RERE: variants seen among roughly 807,000 people sequenced by gnomAD.
RERE encodes arginine-glutamic acid dipeptide repeats protein.
Under a neutral mutation model 146.1 loss-of-function variants are expected in RERE, and 40 were observed. That is an observed-to-expected ratio of 0.27 (90% CI 0.21 to 0.36). The LOEUF is 0.36. RERE is among the 10% of genes least tolerant of loss of function. The pLI, the probability that RERE is intolerant of heterozygous loss-of-function variation, is 1.00. For synonymous variants in RERE, 1,003 were observed against 866.0 expected, an observed-to-expected ratio of 1.16 and a Z score of -2.78; for missense variants, 1,933 against 2,138.7, an observed-to-expected ratio of 0.90 and a Z score of 1.90.
chr1:8,792,918 AGGCCGAGGTGGGC>A (rs1312917485), intron 1 of RERE, among the ~76,000 whole-genome samples: 3 of 152,112 alleles, frequency 2.0e-5, no homozygotes, highest in Non-Finnish European at 2.9e-5. Flanking sequence ...GCACTTTGGG[AGGCCGAGGTGGGC>A]GGATCACTTG....
chr1:8,796,758 A>C (rs1036606835), intron 1 of RERE: 3 of 152,190 alleles, frequency 2.0e-5, no homozygotes, highest in Non-Finnish European at 4.4e-5. Flanking sequence ...AAATAATGAA[A>C]TACGAAGGGT....
intron 12 of RERE, among the ~76,000 whole-genome samples, chr1:8,409,286 G>A (rs559287536): frequency 6.6e-6 from 1 of 152,300 alleles, no homozygotes; most frequent in East Asian, 1.9e-4. Context: ...CATAACTTCT[G>A]CCCTTGCTCT....
chr1:8,637,825 C>T (rs1647120910), intron 2 of RERE, among the ~76,000 whole-genome samples: 2 of 152,210 alleles, frequency 1.3e-5, no homozygotes, highest in African/African-American at 2.4e-5. Context: ...TAGGCCAAAG[C>T]CCTACGATAC....
intron 12 of RERE, among the ~76,000 whole-genome samples, chr1:8,382,922 A>AT (rs1642507091): frequency 1.3e-5 from 2 of 151,492 alleles, no homozygotes; most frequent in African/African-American, 4.9e-5. Context: ...AAGTGACAGG[A>AT]TTTTTTCTTG....
At chr1:8,641,326 T>C (rs191771621) in intron 2 of RERE, among the ~76,000 whole-genome samples, 1 of 152,338 alleles carries the variant, frequency 6.6e-6, no homozygotes, top group East Asian at 1.9e-4. Flanking sequence ...GCAATTTTCT[T>C]AGCTACTACA....
intron 12 of RERE, among the ~76,000 whole-genome samples, chr1:8,383,012 TAA>T (rs35888808): frequency 0.024 from 3,548 of 145,738 alleles, 123 homozygotes; most frequent in African/African-American, 0.077. Flanking sequence ...TTGACTAAGT[TAA>T]AAAAAAAAAA....
At chr1:8,500,987 T>G (rs1252184565) in intron 8 of RERE, among the ~76,000 whole-genome samples, 1 of 97,490 alleles carries the variant, frequency 1.0e-5, no homozygotes, top group Non-Finnish European at 2.1e-5. Context: ...CCACCCCGTC[T>G]GGGAAGTGAG....
chr1:8,664,398 G>A (rs1482181276), intron 1 of RERE, among the ~76,000 whole-genome samples: 2 of 151,934 alleles, frequency 1.3e-5, no homozygotes, highest in East Asian at 1.9e-4. Flanking sequence ...CATATATAAT[G>A]CGTTCATCAC....
intron 12 of RERE, among the ~76,000 whole-genome samples, chr1:8,370,999 C>CA (rs1220651813): frequency 6.6e-6 from 1 of 152,176 alleles, no homozygotes; most frequent in Non-Finnish European, 1.5e-5. Context: ...CTGATGCTCT[C>CA]ACCTCATCTC....
chr1:8,398,703 A>C (rs1431857831), intron 12 of RERE, among the ~76,000 whole-genome samples: 2 of 152,186 alleles, frequency 1.3e-5, no homozygotes, highest in African/African-American at 4.8e-5. Flanking sequence ...ACGCAGCCTA[A>C]AAACAGATTT....
At chr1:8,441,994 A>G (rs959704687) in intron 11 of RERE, among the ~76,000 whole-genome samples, 8 of 149,786 alleles carry the variant, frequency 5.3e-5, no homozygotes, top group Non-Finnish European at 1.1e-4. Flanking sequence ...ACTTTCAAAC[A>G]TAAAATGTAT....
intron 11 of RERE, among the ~76,000 whole-genome samples, chr1:8,459,028 C>T (rs1258177012): frequency 6.6e-6 from 1 of 152,248 alleles, no homozygotes; most frequent in African/African-American, 2.4e-5. Context: ...CTTACACCAA[C>T]TTTTCTGTGC....
At chr1:8,634,549 A>G (rs781113793) in intron 2 of RERE, among the ~76,000 whole-genome samples, 2 of 152,190 alleles carry the variant, frequency 1.3e-5, no homozygotes, top group African/African-American at 2.4e-5. Context: ...GCAGGCTTCA[A>G]ATTTAATTGT....
intron 11 of RERE, among the ~76,000 whole-genome samples, chr1:8,451,373 A>G (rs1350186622): frequency 2.6e-5 from 4 of 152,182 alleles, no homozygotes; most frequent in Admixed American, 2.0e-4. Flanking sequence ...CAGAGGTTGC[A>G]GTGAGCTGAG....
intron 4 of RERE, among the ~76,000 whole-genome samples, chr1:8,568,785 T>G (rs1488446551): frequency 6.6e-6 from 1 of 152,206 alleles, no homozygotes; most frequent in Non-Finnish European, 1.5e-5. Flanking sequence ...ACTTAGCTTC[T>G]ATGATGGAGT....
intron 13 of RERE, among the ~76,000 whole-genome samples, chr1:8,365,296 G>A (rs1641759877): frequency 6.6e-6 from 1 of 152,184 alleles, no homozygotes; most frequent in Admixed American, 6.5e-5. Context: ...GAGCTATAAG[G>A]CACTTTTGCT....
chr1:8,729,575 A>G (rs1462605377), intron 1 of RERE, among the ~76,000 whole-genome samples: 1 of 152,092 alleles, frequency 6.6e-6, no homozygotes, highest in African/African-American at 2.4e-5. Context: ...CTACAATGGC[A>G]GAGTTCCATA....
intron 1 of RERE, among the ~76,000 whole-genome samples, chr1:8,725,470 G>A (rs933316006): frequency 1.3e-5 from 2 of 152,160 alleles, no homozygotes; most frequent in African/African-American, 2.4e-5. Flanking sequence ...GGAGGCTGAG[G>A]CAGGAGAATT....
intron 1 of RERE, among the ~76,000 whole-genome samples, chr1:8,724,653 A>AC (rs1486500493): frequency 6.6e-6 from 1 of 151,534 alleles, no homozygotes; most frequent in African/African-American, 2.4e-5. Context: ...AAGACCAGCG[A>AC]CCCCGTCGCT....
Sources: allele counts gnomAD v4.1 joint callset (sites outside exome capture counted in the v4.1 genomes callset), GRCh38; gene constraint gnomAD v4.1.1; transcripts MANE v1.5; gene names NCBI Gene and HGNC (gene_info 2026-07-23, HGNC 2026-07-21).